METTL2B: variants seen among roughly 807,000 people sequenced by gnomAD.
METTL2B encodes tRNA N(3)-cytidine methyltransferase METTL2B.
METTL2B carries 28 observed loss-of-function variants against 51.0 expected under a neutral mutation model. The observed-to-expected ratio is 0.55, with a 90% CI of 0.41 to 0.75. The LOEUF (loss-of-function observed/expected upper bound fraction) is 0.75, where lower values mean the gene tolerates loss of function less well. Among genes scored for constraint, METTL2B ranks in the 30% least tolerant of loss-of-function variants. METTL2B has a pLI of 0.00. For synonymous variants in METTL2B, 128 were observed against 166.3 expected (o/e 0.77, Z 1.77); for missense variants, 313 against 460.7 (o/e 0.68, Z 2.93).
At chr7:128,480,035 G>A (rs890053083) in intron 3 of METTL2B, among the ~76,000 whole-genome samples, 10 of 152,146 alleles carry the variant, frequency 6.6e-5, no homozygotes, top group African/African-American at 1.9e-4. Flanking sequence ...TGGGGACTGC[G>A]CACGTTACTG....
Position 128,498,289 on chromosome 7 carries a change from C to T in METTL2B, c.916+147C>T, listed in dbSNP as rs1792961778. The T allele has an allele frequency of 8.2e-6, 7 of 857,646 alleles. No homozygotes were observed. The South Asian group carries it at 1.2e-4, about 14-fold the overall frequency. 53.1% of individuals were successfully genotyped at this position (857,646 alleles called of 1,614,324 possible). ...TTCTCACTCATAAGTGGGAGTTGAA[C>T]AATGAGAACACATGGACGCGGGGTG... On this transcript the variant is annotated intron_variant, in intron 7 of 8. Coordinates refer to ENST00000262432, the MANE Select transcript of METTL2B (RefSeq NM_018396.3).
At chr7:128,493,216 T>C (rs1415157799) in intron 5 of METTL2B, among the ~76,000 whole-genome samples, 1 of 152,118 alleles carries the variant, frequency 6.6e-6, no homozygotes, top group Non-Finnish European at 1.5e-5. Context: ...TTTTTTTTTT[T>C]TCTTTTCTTT....
At chr7:128,480,495 C>T (rs1227828254) in intron 3 of METTL2B, 152 bp from the exon 4 acceptor site, 3 of 1,329,744 alleles carry the variant, frequency 2.3e-6, no homozygotes, top group Non-Finnish European at 3.0e-6. Flanking sequence ...TCAAAATCAA[C>T]AAATGTCATG....
chr7:128,484,656 G>A (rs762354143), intron 4 of METTL2B, among the ~76,000 whole-genome samples: 3 of 151,884 alleles, frequency 2.0e-5, no homozygotes, highest in Non-Finnish European at 4.4e-5. Flanking sequence ...GCAGTGGCAC[G>A]ATCTTGGCTC....
chr7:128,489,667 C>T (rs1457413139), intron 5 of METTL2B, among the ~76,000 whole-genome samples: 1 of 121,448 alleles, frequency 8.2e-6, no homozygotes, highest in Non-Finnish European at 1.6e-5. Context: ...CTCGCTCTGT[C>T]GCCCAGGCTG....
At chr7:128,496,642 C>G (rs1212197777) in intron 6 of METTL2B, among the ~76,000 whole-genome samples, 1 of 152,162 alleles carries the variant, frequency 6.6e-6, no homozygotes, top group Admixed American at 6.6e-5. Flanking sequence ...AAATTCAAGT[C>G]AGCCACAGTG....
At chr7:128,485,821 T>C (rs1792693588) in intron 4 of METTL2B, among the ~76,000 whole-genome samples, 1 of 152,082 alleles carries the variant, frequency 6.6e-6, no homozygotes, top group African/African-American at 2.4e-5. Flanking sequence ...CAAAAATCAA[T>C]AAAACAACAA....
Position 128,480,690 on chromosome 7 carries a change from C to A in METTL2B, c.602C>A (p.Thr201Lys). The A allele has an allele frequency of 6.2e-7, 1 of 1,606,150 alleles. No homozygotes were observed. The highest frequency in any genetic ancestry group is 1.7e-5 in the Admixed American group (1 of 57,670). Residue 201 changes from threonine (T) to lysine (K), a missense_variant, in exon 4 of 9, where the codon ACG (threonine) becomes AAG (lysine). This residue lies in a region of METTL2B where 42 missense variants were observed against 113.4 expected (regional missense o/e 0.37). Transcript: ENST00000262432. ...VGNTVFPILQ[T>K]NNDPGLFVYC... ...AACACAGTCTTTCCAATTTTACAAA[C>A]GAACAAGTAAGTATGTTGTAAAAGT...
chr7:128,486,598 G>T (rs1792723538), intron 4 of METTL2B, among the ~76,000 whole-genome samples: 1 of 151,340 alleles, frequency 6.6e-6, no homozygotes, highest in Non-Finnish European at 1.5e-5. Context: ...AAGACCTCGT[G>T]TCTCACAAAA....
chr7:128,492,669 T>G (rs1221341138), intron 5 of METTL2B, among the ~76,000 whole-genome samples: 1 of 151,834 alleles, frequency 6.6e-6, no homozygotes, highest in Non-Finnish European at 1.5e-5. Flanking sequence ...CAGGCTGGAG[T>G]GCAGTGGTGC....
At chr7:128,477,012 C>G in intron 1 of METTL2B, 70 bp from the exon 2 acceptor site, 1 of 1,514,506 alleles carries the variant, frequency 6.6e-7, no homozygotes, top group Non-Finnish European at 8.9e-7. Flanking sequence ...AGAGAAACTC[C>G]TAGGCCAGCG....
Position 128,497,039 on chromosome 7 carries a change from A to AT in METTL2B, c.810-992dup, listed in dbSNP as rs532163432. The stretch of plus-strand genomic sequence containing the variant: ...CTCAGGTGATCTGCCTGCCTTAGCC[A>AT]TTTTTCTGTTTTTTGTTTTTTTTAA... On this transcript the variant is annotated intron_variant, in intron 6 of 8. Coordinates refer to ENST00000262432, the MANE Select transcript of METTL2B (RefSeq NM_018396.3). Among the ~76,000 whole-genome samples the AT allele has an allele frequency of 3.3e-4, 50 of 151,688 alleles. 1 individual carries two copies. In the South Asian group the frequency reaches 4.8e-3, roughly 15 times the overall value.
intron 4 of METTL2B, among the ~76,000 whole-genome samples, chr7:128,485,401 C>T (rs539145186): frequency 4.6e-5 from 7 of 152,218 alleles, no homozygotes; most frequent in South Asian, 4.1e-4. Flanking sequence ...CTGCGGCTCA[C>T]GCCTGTAATC....
At chr7:128,483,884 C>G (rs1442221795) in intron 4 of METTL2B, 4 of 151,958 alleles carry the variant, frequency 2.6e-5, no homozygotes, top group African/African-American at 7.3e-5. Context: ...GCCACCATAC[C>G]CAGCTAATTT....
chr7:128,479,794 T>C (rs1308958080), intron 3 of METTL2B, among the ~76,000 whole-genome samples: 2 of 152,236 alleles, frequency 1.3e-5, no homozygotes, highest in Non-Finnish European at 2.9e-5. Context: ...CACATGACAC[T>C]GTATCATACA....
At chr7:128,496,069 C>T (rs1215354691) in intron 6 of METTL2B, among the ~76,000 whole-genome samples, 1 of 152,136 alleles carries the variant, frequency 6.6e-6, no homozygotes, top group Non-Finnish European at 1.5e-5. Flanking sequence ...TGGTTTATCT[C>T]CCAGAGTCCA....
intron 4 of METTL2B, chr7:128,484,232 T>TTTTTTTTTTTTGTTTTTTTTTTGTTG (rs1584790609): frequency 5.5e-4 from 46 of 83,558 alleles, no homozygotes; most frequent in African/African-American, 2.2e-3. Context: ...TTTTTTTTTT[T>TTTTTTTTTTTTGTTTTTTTTTTGTTG]TTTTTTTTTT....
chr7:128,501,368 C>T, intron 8 of METTL2B: 2 of 985,456 alleles, frequency 2.0e-6, no homozygotes, highest in Non-Finnish European at 2.4e-6. Flanking sequence ...GGCCCATCCA[C>T]AGGCTTCATC....
intron 4 of METTL2B, 103 bp from the exon 5 acceptor site, chr7:128,487,998 T>C (rs1381570753): frequency 2.5e-6 from 3 of 1,222,602 alleles, no homozygotes; most frequent in Non-Finnish European, 3.5e-6. Flanking sequence ...TTTGAATGAA[T>C]GATAGTTTTT....
Sources: allele counts gnomAD v4.1 joint callset (sites outside exome capture counted in the v4.1 genomes callset), GRCh38; gene constraint gnomAD v4.1.1; regional missense constraint gnomAD v4.1.1; transcripts MANE v1.5; gene names NCBI Gene and HGNC (gene_info 2026-07-23, HGNC 2026-07-21).